CNTN5: variants seen among roughly 807,000 people sequenced by gnomAD.
CNTN5 encodes contactin 5.
A neutral mutation model predicts 129.1 loss-of-function variants in CNTN5; 77 were observed. The observed-to-expected ratio is 0.60, with a 90% CI of 0.50 to 0.72. The LOEUF (loss-of-function observed/expected upper bound fraction) is 0.72, where lower values mean the gene tolerates loss of function less well. Among genes scored for constraint, CNTN5 ranks in the 30% least tolerant of loss-of-function variants. CNTN5 has a pLI of 0.00. For synonymous variants in CNTN5, 509 were observed against 465.6 expected (o/e 1.09, Z -1.20); for missense variants, 1,478 against 1,328.8 (o/e 1.11, Z -1.75).
intron 13 of CNTN5, among the ~76,000 whole-genome samples, chr11:100,136,345 C>T (rs1305777887): frequency 6.6e-6 from 1 of 151,982 alleles, no homozygotes; most frequent in Admixed American, 6.6e-5. Context: ...TTCTAAAGAT[C>T]ACATATTCAT....
chr11:99,944,279 G>A (rs1047203740), intron 7 of CNTN5, among the ~76,000 whole-genome samples: 3 of 151,990 alleles, frequency 2.0e-5, no homozygotes, highest in African/African-American at 7.2e-5. Context: ...AGAGAAGCAA[G>A]AGCAAACAAA....
intron 7 of CNTN5, among the ~76,000 whole-genome samples, chr11:99,929,048 G>A (rs1031675130): frequency 2.0e-5 from 3 of 152,092 alleles, no homozygotes; most frequent in Admixed American, 6.6e-5. Flanking sequence ...CACGTTTAAA[G>A]TTCCACAGAT....
chr11:99,852,554 T>C lies in CNTN5; in HGVS notation c.577+7292T>C, dbSNP rs142112988. Among the ~76,000 whole-genome samples, 193 of 152,360 alleles carry C rather than the reference T, an allele frequency of 1.3e-3. 1 individual carries two copies. Among genetic ancestry groups the C allele is most frequent in the African/African-American group, 4.5e-3 (189 of 41,588 alleles). Reference sequence around the variant, plus strand: ...GTTTTAGACTACCCTCACACTCTTATTTCTTTTACATAAATCATAAATTTG... The same window carrying C: ...GTTTTAGACTACCCTCACACTCTTACTTCTTTTACATAAATCATAAATTTG... On this transcript the variant is annotated intron_variant, in intron 6 of 24. Coordinates refer to ENST00000524871, the MANE Select transcript of CNTN5 (RefSeq NM_014361.4).
intron 4 of CNTN5, among the ~76,000 whole-genome samples, chr11:99,820,576 C>CCTCAGTTGGCATCTGAGGAATG (rs375014291): frequency 1.3e-3 from 195 of 151,032 alleles, no homozygotes; most frequent in Admixed American, 2.0e-3. Flanking sequence ...ATGCCTGGTT[C>CCTCAGTTGGCATCTGAGGAATG]ATTAACAGCA....
chr11:99,568,866 T>A (rs1017054938), intron 3 of CNTN5, among the ~76,000 whole-genome samples: 3 of 152,250 alleles, frequency 2.0e-5, no homozygotes, highest in Non-Finnish European at 4.4e-5. Flanking sequence ...AACTTTCATA[T>A]CTGATAATAT....
intron 2 of CNTN5, among the ~76,000 whole-genome samples, chr11:99,466,083 C>T (rs1944928892): frequency 6.6e-6 from 1 of 152,008 alleles, no homozygotes; most frequent in Non-Finnish European, 1.5e-5. Context: ...GGGGTTTCAC[C>T]GTGTTAGCCA....
chr11:99,348,460 T>C (rs1938062845), intron 2 of CNTN5, among the ~76,000 whole-genome samples: 1 of 152,230 alleles, frequency 6.6e-6, no homozygotes, highest in Non-Finnish European at 1.5e-5. Context: ...TTTTTGATTA[T>C]ATTGAAATAA....
intron 3 of CNTN5, among the ~76,000 whole-genome samples, chr11:99,728,218 G>C (rs1284860741): frequency 6.6e-6 from 1 of 151,630 alleles, no homozygotes; most frequent in Non-Finnish European, 1.5e-5. Context: ...GAGAGAGAGG[G>C]AAAGACAGAG....
intron 1 of CNTN5, chr11:99,120,296 A>G (rs1343604860): frequency 2.6e-5 from 4 of 152,030 alleles, no homozygotes; most frequent in Non-Finnish European, 5.9e-5. Context: ...TCACCACTCC[A>G]TGTGTGTCCC....
At chr11:99,215,573 A>C (rs1010073075) in intron 1 of CNTN5, among the ~76,000 whole-genome samples, 1 of 152,112 alleles carries the variant, frequency 6.6e-6, no homozygotes, top group Non-Finnish European at 1.5e-5. Flanking sequence ...CTGGGGAATA[A>C]ATTTTGTTTG....
intron 13 of CNTN5, among the ~76,000 whole-genome samples, chr11:100,081,525 C>A (rs926675350): frequency 6.6e-6 from 1 of 152,110 alleles, no homozygotes; most frequent in Non-Finnish European, 1.5e-5. Context: ...TGTCCGTATT[C>A]CACCCCATCT....
intron 3 of CNTN5, among the ~76,000 whole-genome samples, chr11:99,585,296 C>T (rs780042867): frequency 2.6e-4 from 40 of 152,142 alleles, no homozygotes; most frequent in Non-Finnish European, 5.0e-4. Flanking sequence ...TACAATTCTT[C>T]TCTCTTTTTT....
At chr11:99,820,752 G>T (rs985097915) in intron 4 of CNTN5, among the ~76,000 whole-genome samples, 1 of 152,192 alleles carries the variant, frequency 6.6e-6, no homozygotes, top group Non-Finnish European at 1.5e-5. Flanking sequence ...CTGCTAATAG[G>T]TATCATAGCT....
chr11:100,201,545 C>T (rs1018564107), intron 15 of CNTN5, among the ~76,000 whole-genome samples: 2 of 151,856 alleles, frequency 1.3e-5, no homozygotes, highest in Non-Finnish European at 2.9e-5. Context: ...TACACATAAT[C>T]GGTACTTTCT....
In CNTN5 at chr11:99,710,559, GTGTGTGCA is replaced by G. The variant is rs1374542219; in HGVS notation, c.56-108978_56-108971del. On this transcript the variant is annotated intron_variant, in intron 3 of 24. Transcript: ENST00000524871. Reference sequence around the variant, plus strand: ...TTCCTGCTCTAGATTGTGTGTGTGTGTGTGTGCATGTGTGTGTGTGTGTGTGTGTGTGT... The same window carrying G: ...TTCCTGCTCTAGATTGTGTGTGTGTGTGTGTGTGTGTGTGTGTGTGTGTGT... Among the ~76,000 whole-genome samples, 577 of 121,266 alleles carry G rather than the reference GTGTGTGCA, an allele frequency of 4.8e-3. 1 individual carries two copies. Among genetic ancestry groups the G allele is most frequent in the African/African-American group, 0.011 (352 of 31,244 alleles). 79.6% of individuals were successfully genotyped at this position (121,266 alleles called of 152,430 possible).
intron 13 of CNTN5, among the ~76,000 whole-genome samples, chr11:100,111,049 T>C (rs1945642969): frequency 6.6e-6 from 1 of 151,564 alleles, no homozygotes; most frequent in Non-Finnish European, 1.5e-5. Context: ...TAATCCCAAA[T>C]TTTTCTGTAC....
intron 15 of CNTN5, among the ~76,000 whole-genome samples, chr11:100,216,481 A>G (rs1275229653): frequency 6.6e-6 from 1 of 152,108 alleles, no homozygotes; most frequent in Non-Finnish European, 1.5e-5. Context: ...AAATTTGGCC[A>G]ATTCTTTTTC....
chr11:99,271,809 C>T (rs1360345620), intron 1 of CNTN5, among the ~76,000 whole-genome samples: 1 of 151,768 alleles, frequency 6.6e-6, no homozygotes, highest in East Asian at 2.0e-4. Context: ...TGAGTGTCCT[C>T]AGTGCTTAGT....
At chr11:100,002,261 T>G in intron 9 of CNTN5, 125 bp downstream of exon 9, 1 of 576,506 alleles carries the variant, frequency 1.7e-6, no homozygotes, top group Non-Finnish European at 2.9e-6. Flanking sequence ...ATTTATTTTC[T>G]AAAAGAAGGT....
Sources: allele counts gnomAD v4.1 joint callset (sites outside exome capture counted in the v4.1 genomes callset), GRCh38; gene constraint gnomAD v4.1.1; transcripts MANE v1.5; gene names NCBI Gene and HGNC (gene_info 2026-07-23, HGNC 2026-07-21).